SUZ12: variants seen among roughly 807,000 people sequenced by gnomAD.
SUZ12 encodes polycomb protein SUZ12.
SUZ12 carries 17 observed loss-of-function variants against 87.3 expected under a neutral mutation model. That is an observed-to-expected ratio of 0.19 (90% CI 0.13 to 0.29). SUZ12 has a LOEUF of 0.29. Ranked by LOEUF, SUZ12 falls within the 10% of genes least tolerant of loss-of-function variation. The pLI is 1.00. For missense variants in SUZ12, 526 were observed against 912.2 expected (o/e 0.58, Z 5.45); for synonymous variants, 253 against 312.4 (o/e 0.81, Z 2.01).
At chr17:31,981,271 C>G (rs937573846) in intron 8 of SUZ12, among the ~76,000 whole-genome samples, 3 of 152,046 alleles carry the variant, frequency 2.0e-5, no homozygotes, top group Non-Finnish European at 4.4e-5. Flanking sequence ...AGACCACTGC[C>G]CAATAGAAGA....
chr17:31,948,878 G>A (rs1039046953), intron 4 of SUZ12, among the ~76,000 whole-genome samples: 53 of 152,262 alleles, frequency 3.5e-4, no homozygotes, highest in African/African-American at 1.1e-3. Flanking sequence ...CGCAGTGCAC[G>A]CACATTTTTC....
At chr17:31,980,724 G>A (rs762586817) in intron 8 of SUZ12, among the ~76,000 whole-genome samples, 106 of 149,890 alleles carry the variant, frequency 7.1e-4, no homozygotes, top group Admixed American at 1.7e-3. Context: ...TTGGGATTAC[G>A]GGCATGAGCC....
At chr17:31,947,060 C>A (rs191440903) in intron 3 of SUZ12, among the ~76,000 whole-genome samples, 46 of 152,106 alleles carry the variant, frequency 3.0e-4, no homozygotes, top group African/African-American at 1.1e-3. Context: ...TAGAATATTT[C>A]TTTTTTTATG....
chr17:31,987,989 A>C (rs1909503278), intron 9 of SUZ12, among the ~76,000 whole-genome samples: 1 of 152,096 alleles, frequency 6.6e-6, no homozygotes. Flanking sequence ...TAAATGGGAA[A>C]TTTTCCCATG....
chr17:31,994,743 G>A, intron 13 of SUZ12, 22 bp downstream of exon 13: 5 of 1,604,960 alleles, frequency 3.1e-6, no homozygotes, highest in Non-Finnish European at 4.3e-6. Context: ...GGGCATATAA[G>A]AAAAGTTTAA....
chr17:31,995,838 CT>C, intron 14 of SUZ12, 76 bp downstream of exon 14: 1 of 1,034,150 alleles, frequency 9.7e-7, no homozygotes, highest in Non-Finnish European at 1.4e-6. Context: ...ATGAACTAGA[CT>C]TTTATTGTAA....
intron 15 of SUZ12, 82 bp from the exon 16 acceptor site, chr17:31,998,576 T>C (rs757994136): frequency 6.4e-6 from 6 of 935,426 alleles, no homozygotes; most frequent in Non-Finnish European, 9.1e-6. Flanking sequence ...GAATTGGATA[T>C]AGTCTTATTA....
chr17:31,939,925 C>G (rs1906172050), intron 1 of SUZ12, among the ~76,000 whole-genome samples: 1 of 152,176 alleles, frequency 6.6e-6, no homozygotes, highest in Admixed American at 6.5e-5. Context: ...CTGCCTATTA[C>G]AGCTGCTTTT....
chr17:31,954,615 A>G (rs1907195692), intron 4 of SUZ12, among the ~76,000 whole-genome samples: 2 of 152,154 alleles, frequency 1.3e-5, no homozygotes, highest in South Asian at 2.1e-4. Flanking sequence ...TTTAATAAAT[A>G]TGAAATAAGT....
Position 31,964,982 on chromosome 17 carries a change from C to CA in SUZ12, c.456-1157dup, listed in dbSNP as rs772834149. On this transcript the variant is annotated intron_variant, in intron 4 of 15. Coordinates refer to ENST00000322652, the MANE Select transcript of SUZ12 (RefSeq NM_015355.4). ...GGGCGAGAAGAGCGAAACTTCATCT[C>CA]AAAAAAAAGAAAAAGAGGAGTCCTG... 1.5e-4 allele frequency among the ~76,000 whole-genome samples: 22 copies of CA among 150,654 alleles called. 1 individual carries two copies. Among genetic ancestry groups the CA allele is most frequent in the African/African-American group, 3.2e-4 (13 of 41,184 alleles).
chr17:31,970,272 G>A (rs1314344238), intron 5 of SUZ12, among the ~76,000 whole-genome samples: 3 of 152,094 alleles, frequency 2.0e-5, no homozygotes, highest in Non-Finnish European at 2.9e-5. Context: ...TGCAACTTCC[G>A]AAGAAACTGA....
intron 3 of SUZ12, among the ~76,000 whole-genome samples, chr17:31,945,227 G>T (rs1461656328): frequency 6.6e-6 from 1 of 152,114 alleles, no homozygotes; most frequent in East Asian, 1.9e-4. Context: ...TTAGCCCAGT[G>T]ATTGTCGTTT....
At chr17:31,970,888 T>C (rs370319838) in intron 5 of SUZ12, among the ~76,000 whole-genome samples, 111 of 152,322 alleles carry the variant, frequency 7.3e-4, no homozygotes, top group African/African-American at 2.6e-3. Flanking sequence ...TCATCTATTA[T>C]AATAGTTCTG....
chr17:31,997,794 G>A (rs531323288), intron 15 of SUZ12, among the ~76,000 whole-genome samples: 80 of 151,880 alleles, frequency 5.3e-4, no homozygotes, highest in African/African-American at 1.8e-3. Context: ...CGTGTTTCAT[G>A]TCTGGAAATC....
At chr17:31,943,304 G>A (rs1162441999) in intron 3 of SUZ12, among the ~76,000 whole-genome samples, 3 of 151,964 alleles carry the variant, frequency 2.0e-5, no homozygotes, top group Admixed American at 2.0e-4. Context: ...TTGCGGCCAG[G>A]GTGCAAAATT....
At chr17:31,956,452 C>T (rs374036986) in intron 4 of SUZ12, among the ~76,000 whole-genome samples, 1 of 152,258 alleles carries the variant, frequency 6.6e-6, no homozygotes, top group East Asian at 1.9e-4. Flanking sequence ...ACCTCCCAAA[C>T]TGCTGGGATT....
At chr17:31,970,357 A>G (rs1381255446) in intron 5 of SUZ12, among the ~76,000 whole-genome samples, 1 of 152,080 alleles carries the variant, frequency 6.6e-6, no homozygotes, top group Admixed American at 6.6e-5. Context: ...GCCAGGCGCA[A>G]TGGCTCACGC....
At position 31,989,309 on chromosome 17, in the gene SUZ12, T is replaced by TA. The variant is rs1251904661; in HGVS notation, c.1201+815dup. On this transcript the variant is annotated intron_variant, in intron 10 of 15. Transcript: ENST00000322652. The stretch of plus-strand genomic sequence containing the variant: ...AATTAAGGTTCTCCTATATTAAGTG[T>TA]AAAGTCTTGTGTTGAAGTAGTAGTA... 3.9e-5 allele frequency among the ~76,000 whole-genome samples: 6 copies of TA among 152,270 alleles called. No individual in the cohort carries two copies. The East Asian group carries it at 9.7e-4, about 25-fold the overall frequency.
At chr17:31,946,839 T>C (rs576722433) in intron 3 of SUZ12, among the ~76,000 whole-genome samples, 1 of 152,328 alleles carries the variant, frequency 6.6e-6, no homozygotes, top group Non-Finnish European at 1.5e-5. Flanking sequence ...TGAGAAGTTA[T>C]ACTTAAGTTT....
Sources: gnomAD v4.1 joint callset for allele counts (sites outside exome capture counted in the v4.1 genomes callset) on GRCh38, gnomAD v4.1.1 for gene constraint, MANE v1.5 for transcripts, NCBI Gene and HGNC (gene_info 2026-07-23, HGNC 2026-07-21) for gene names.